Variants in PLPBP observed in about 807,000 individuals in gnomAD.
PLPBP encodes pyridoxal phosphate binding protein.
A neutral mutation model predicts 31.2 loss-of-function variants in PLPBP; 21 were observed. The ratio of observed to expected loss-of-function variants is 0.67; its 90% CI spans 0.48 to 0.97. The LOEUF (loss-of-function observed/expected upper bound fraction) is 0.97. PLPBP is among the 50% of genes least tolerant of loss of function. The pLI, the probability that PLPBP is intolerant of heterozygous loss-of-function variation, is 0.00. For synonymous variants in PLPBP, 124 were observed against 135.6 expected (o/e 0.91, Z 0.59); for missense variants, 308 against 354.4 (o/e 0.87, Z 1.05).
intron 4 of PLPBP, among the ~76,000 whole-genome samples, chr8:37,769,768 T>G (rs1225500223): frequency 6.6e-6 from 1 of 152,118 alleles, no homozygotes; most frequent in Non-Finnish European, 1.5e-5. Context: ...CAAAAAACTA[T>G]TATAACTGAA....
rs765302927 is a variant in PLPBP at position 37,765,442 on chromosome 8, T to TC, written c.100-83dup. Reference sequence around the variant, plus strand: ...AATGCCAAGTTGAGATCAATGCCTGTCTATCCTACAGGATCTATCCTATGG... The same window carrying TC: ...AATGCCAAGTTGAGATCAATGCCTGTCCTATCCTACAGGATCTATCCTATGG... On this transcript the variant is annotated intron_variant, in intron 1 of 7. Coordinates refer to ENST00000328195, the MANE Select transcript of PLPBP (RefSeq NM_007198.4). 127 of 1,298,872 alleles carry TC rather than the reference T, an allele frequency of 9.8e-5. 1 individual carries two copies. Among genetic ancestry groups the TC allele is most frequent in the African/African-American group, 1.5e-4 (10 of 65,542 alleles). 80.5% of individuals were successfully genotyped at this position (1,298,872 alleles called of 1,614,324 possible).
chr8:37,776,915 T>C (rs1803928029), intron 7 of PLPBP, among the ~76,000 whole-genome samples: 1 of 152,132 alleles, frequency 6.6e-6, no homozygotes, highest in Non-Finnish European at 1.5e-5. Flanking sequence ...TACAGGCGCC[T>C]GCCACAATGC....
intron 1 of PLPBP, among the ~76,000 whole-genome samples, chr8:37,764,741 G>A (rs1034712610): frequency 1.3e-5 from 2 of 152,194 alleles, no homozygotes; most frequent in Admixed American, 6.5e-5. Context: ...AGAATGAGTC[G>A]CCAAACTGCT....
rs762503200 is a variant in PLPBP at position 37,762,653 on chromosome 8, C to A, written c.-7C>A. The A allele has an allele frequency of 1.3e-6, 2 of 1,573,474 alleles. No individual in the cohort carries two copies. Among genetic ancestry groups the A allele is most frequent in the Non-Finnish European group, 1.7e-6 (2 of 1,163,608 alleles). On this transcript the variant is annotated 5_prime_UTR_variant, in exon 1 of 8. Transcript: ENST00000328195. ...GGGGCCTGGGGCTCGGCGTCGGTCC[C>A]CGGGGGATGTGGAGAGCTGGCAGCA... is the stretch of plus-strand genomic sequence containing the variant.
At chr8:37,777,337 G>A (rs1803939211) in intron 7 of PLPBP, among the ~76,000 whole-genome samples, 4 of 152,076 alleles carry the variant, frequency 2.6e-5, no homozygotes, top group Non-Finnish European at 5.9e-5. Context: ...CTACCTGACC[G>A]TGGCACATTG....
In PLPBP at chr8:37,779,586, A is replaced by G. The variant is rs1691155781; in HGVS notation, c.*1482A>G. 6.6e-6 allele frequency: 1 copy of G among 152,632 alleles called. No homozygotes were observed. The highest frequency in any genetic ancestry group is 6.5e-5 in the Admixed American group (1 of 15,282). 9.5% of individuals were successfully genotyped at this position (152,632 alleles called of 1,614,324 possible). ...TTGAAGCCCCAGTCTTTGATTTTACAGGTAACTTTCAAAACATCATGATGC... is the reference window on the plus strand; with the variant it reads ...TTGAAGCCCCAGTCTTTGATTTTACGGGTAACTTTCAAAACATCATGATGC... On this transcript the variant is annotated 3_prime_UTR_variant, in exon 8 of 8. Coordinates refer to ENST00000328195, the MANE Select transcript of PLPBP (RefSeq NM_007198.4).
chr8:37,778,343 G>A lies in PLPBP; in HGVS notation c.*239G>A. On this transcript the variant is annotated 3_prime_UTR_variant, in exon 8 of 8. Coordinates refer to ENST00000328195, the MANE Select transcript of PLPBP (RefSeq NM_007198.4). Reference sequence around the variant, plus strand: ...AGAACAGATACCAAATCAATAGCTAGGAATCATGTTCAATATTGAATTCTG... The same window carrying A: ...AGAACAGATACCAAATCAATAGCTAAGAATCATGTTCAATATTGAATTCTG... 3.1e-6 allele frequency: 1 copy of A among 326,258 alleles called. No homozygotes were observed. 20.2% of individuals were successfully genotyped at this position (326,258 alleles called of 1,614,324 possible).
At chr8:37,777,129 T>G (rs1001229041) in intron 7 of PLPBP, among the ~76,000 whole-genome samples, 3 of 152,198 alleles carry the variant, frequency 2.0e-5, no homozygotes. Context: ...GCTGTAAATA[T>G]CAACTGATAC....
chr8:37,764,297 G>A (rs544712753), intron 1 of PLPBP, among the ~76,000 whole-genome samples: 8 of 146,780 alleles, frequency 5.5e-5, no homozygotes, highest in Non-Finnish European at 9.0e-5. Context: ...GTAGAGACAG[G>A]GTTTCATTAT....
intron 1 of PLPBP, among the ~76,000 whole-genome samples, chr8:37,764,071 C>CTTTTTTTTTTTTTTTTTTTTTTTT (rs111913973): frequency 7.9e-6 from 1 of 126,908 alleles, no homozygotes; most frequent in African/African-American, 2.9e-5. Context: ...TCTTTTCTTT[C>CTTTTTTTTTTTTTTTTTTTTTTTT]TTTTTTTTTT....
intron 4 of PLPBP, among the ~76,000 whole-genome samples, chr8:37,767,860 C>T (rs190752093): frequency 7.5e-6 from 1 of 133,632 alleles, no homozygotes; most frequent in Non-Finnish European, 1.5e-5. Context: ...AGCTGGAGTG[C>T]AGTGGCGTGA....
At chr8:37,775,788 G>A (rs113373571) in intron 6 of PLPBP, 130 bp from the exon 7 acceptor site, 25 of 1,013,698 alleles carry the variant, frequency 2.5e-5, no homozygotes, top group African/African-American at 8.0e-5. Context: ...TTTCAGTAAC[G>A]TCTGGCAATT....
At chr8:37,770,266 A>C (rs1803735206) in intron 4 of PLPBP, among the ~76,000 whole-genome samples, 1 of 152,186 alleles carries the variant, frequency 6.6e-6, no homozygotes, top group Admixed American at 6.5e-5. Flanking sequence ...AACCAAAACT[A>C]GCATAAAAAC....
intron 5 of PLPBP, among the ~76,000 whole-genome samples, chr8:37,773,305 C>G (rs950604362): frequency 7.1e-6 from 1 of 140,272 alleles, no homozygotes; most frequent in African/African-American, 2.7e-5. Context: ...GTAGCTGGGA[C>G]TACAGGCGTG....
intron 4 of PLPBP, among the ~76,000 whole-genome samples, chr8:37,768,033 C>T (rs912836583): frequency 1.3e-5 from 2 of 151,972 alleles, no homozygotes; most frequent in African/African-American, 4.8e-5. Context: ...TCTCGAACTC[C>T]TGACCTTGTG....
intron 4 of PLPBP, among the ~76,000 whole-genome samples, chr8:37,768,515 C>T (rs559338829): frequency 1.1e-4 from 16 of 144,798 alleles, no homozygotes; most frequent in Middle Eastern, 7.5e-3. Context: ...CTCTGTTGCC[C>T]GGGCTGGAGT....
At chr8:37,769,197 G>T (rs894767906) in intron 4 of PLPBP, among the ~76,000 whole-genome samples, 1 of 151,982 alleles carries the variant, frequency 6.6e-6, no homozygotes, top group Non-Finnish European at 1.5e-5. Flanking sequence ...TTAGCTGGGC[G>T]TAGTGGTGTG....
chr8:37,776,307 C>A (rs973281794), intron 7 of PLPBP, among the ~76,000 whole-genome samples: 4 of 151,946 alleles, frequency 2.6e-5, no homozygotes, highest in African/African-American at 9.7e-5. Context: ...GAAACCCCGT[C>A]TCTCCTAAAA....
intron 7 of PLPBP, among the ~76,000 whole-genome samples, chr8:37,777,630 A>G (rs531231582): frequency 2.6e-5 from 4 of 152,094 alleles, no homozygotes; most frequent in African/African-American, 7.2e-5. Flanking sequence ...CTGGAGTGCA[A>G]TGGCGCAACC....
Sources: gnomAD v4.1 joint callset for allele counts (sites outside exome capture counted in the v4.1 genomes callset) on GRCh38, gnomAD v4.1.1 for gene constraint, MANE v1.5 for transcripts, NCBI Gene and HGNC (gene_info 2026-07-23, HGNC 2026-07-21) for gene names.